Variants in C12orf50 observed in about 807,000 individuals in gnomAD.
C12orf50 encodes zinc finger CCCH-type containing 11D, also known as uncharacterized protein C12orf50.
In C12orf50, 35 loss-of-function variants were observed where a neutral mutation model predicts 61.6. The observed-to-expected ratio is 0.57, with a 90% CI of 0.43 to 0.75. C12orf50 has a LOEUF of 0.75. C12orf50 is among the 30% of genes least tolerant of loss of function. The pLI is 0.00. For missense variants in C12orf50, 475 were observed against 488.5 expected (o/e 0.97, Z 0.26); for synonymous variants, 178 against 161.5 (o/e 1.10, Z -0.77).
chr12:88,019,155 G>T (rs764143868), intron 3 of C12orf50, among the ~76,000 whole-genome samples: 2 of 152,090 alleles, frequency 1.3e-5, no homozygotes, highest in Non-Finnish European at 2.9e-5. Flanking sequence ...ATTCCCATAT[G>T]TTGTGGGAGG....
intron 3 of C12orf50, among the ~76,000 whole-genome samples, chr12:88,011,615 T>G (rs1299881103): frequency 6.6e-6 from 1 of 152,234 alleles, no homozygotes; most frequent in Non-Finnish European, 1.5e-5. Flanking sequence ...AAGTTGCCCA[T>G]GTTTACAGTG....
At chr12:88,011,806 G>A (rs1377521641) in intron 3 of C12orf50, among the ~76,000 whole-genome samples, 1 of 152,162 alleles carries the variant, frequency 6.6e-6, no homozygotes, top group African/African-American at 2.4e-5. Context: ...AGCTGGGTCT[G>A]AGGTCAGTTC....
chr12:88,023,265 C>T (rs962714443), intron 3 of C12orf50, among the ~76,000 whole-genome samples: 4 of 152,008 alleles, frequency 2.6e-5, no homozygotes, highest in African/African-American at 9.7e-5. Context: ...GGAGAGGACT[C>T]CCCTTTCAAT....
intron 1 of C12orf50, chr12:88,027,981 G>T (rs1057209121): frequency 4.6e-5 from 7 of 152,154 alleles, no homozygotes; most frequent in Non-Finnish European, 7.3e-5. Context: ...GAAACCCTGG[G>T]CGCCACCACT....
intron 3 of C12orf50, among the ~76,000 whole-genome samples, chr12:88,003,354 T>C (rs1367873630): frequency 1.3e-5 from 2 of 151,964 alleles, no homozygotes; most frequent in Non-Finnish European, 2.9e-5. Context: ...GGAAAAGAAA[T>C]ATGCCCTTAT....
At chr12:87,993,298 AC>A (rs2031216514) in intron 7 of C12orf50, among the ~76,000 whole-genome samples, 1 of 152,224 alleles carries the variant, frequency 6.6e-6, no homozygotes, top group South Asian at 2.1e-4. Flanking sequence ...CCTTTTATTA[AC>A]CAAAAAAGCT....
At position 87,985,862 on chromosome 12, in the gene C12orf50, T is replaced by A; in HGVS notation, c.1114A>T (p.Asn372Tyr). Residue 372 changes from asparagine (N) to tyrosine (Y), a missense_variant, in exon 11 of 13, where the codon AAC becomes TAC. Coordinates refer to ENST00000298699, the MANE Select transcript of C12orf50 (RefSeq NM_152589.3). ...CAAAGGACCTCACCTGGACTGAGGTTGGGTTTGGGTTCCCTGTTAGCATGG... is the reference window on the plus strand; with the variant it reads ...CAAAGGACCTCACCTGGACTGAGGTAGGGTTTGGGTTCCCTGTTAGCATGG... ...KVHANREPKPNLSPDKYTSTS... is the reference protein window; with the variant it reads ...KVHANREPKPYLSPDKYTSTS... The A allele has an allele frequency of 6.2e-7, 1 of 1,612,696 alleles. No homozygotes were observed. Among genetic ancestry groups the A allele is most frequent in the Non-Finnish European group, 8.5e-7 (1 of 1,179,788 alleles).
intron 12 of C12orf50, among the ~76,000 whole-genome samples, chr12:87,980,685 A>C (rs2030417473): frequency 6.6e-6 from 1 of 152,198 alleles, no homozygotes; most frequent in Admixed American, 6.5e-5. Context: ...CCTATTACAA[A>C]GGACTTGTGG....
At chr12:88,014,540 C>T (rs2032239956) in intron 3 of C12orf50, among the ~76,000 whole-genome samples, 1 of 152,130 alleles carries the variant, frequency 6.6e-6, no homozygotes, top group Non-Finnish European at 1.5e-5. Flanking sequence ...ACCTCATGAT[C>T]CGCCCGCCTC....
chr12:88,022,776 T>C (rs764299688), intron 3 of C12orf50, among the ~76,000 whole-genome samples: 14 of 151,954 alleles, frequency 9.2e-5, no homozygotes, highest in Admixed American at 2.6e-4. Context: ...AAGAATAATA[T>C]ATCTAGGAAT....
intron 3 of C12orf50, among the ~76,000 whole-genome samples, chr12:88,004,720 T>C (rs1218127370): frequency 6.6e-6 from 1 of 152,164 alleles, no homozygotes; most frequent in Non-Finnish European, 1.5e-5. Flanking sequence ...AATGAGATAA[T>C]GTCCTTTGCA....
In C12orf50 at chr12:87,988,150, A is replaced by G. The variant is rs73205215; in HGVS notation, c.701-184T>C. On this transcript the variant is annotated intron_variant, in intron 8 of 12. Coordinates refer to ENST00000298699, the MANE Select transcript of C12orf50 (RefSeq NM_152589.3). ...GTTGCCACGTGGATTTCAAAATGTCATGAGTAACAAAACAAAACTCGGAAA... is the reference window on the plus strand; with the variant it reads ...GTTGCCACGTGGATTTCAAAATGTCGTGAGTAACAAAACAAAACTCGGAAA... Among the ~76,000 whole-genome samples, 1,346 of 152,268 alleles carry G rather than the reference A, an allele frequency of 8.8e-3. 18 individuals are homozygous for G. Among genetic ancestry groups the G allele is most frequent in the South Asian group, 0.017 (80 of 4,824 alleles).
At chr12:88,028,164 T>A (rs1420203436) in intron 1 of C12orf50, among the ~76,000 whole-genome samples, 1 of 152,220 alleles carries the variant, frequency 6.6e-6, no homozygotes, top group Non-Finnish European at 1.5e-5. Context: ...ACTGGTAACT[T>A]ACTCATTAGC....
chr12:88,024,959 G>A (rs750960974), intron 3 of C12orf50, among the ~76,000 whole-genome samples: 2 of 152,110 alleles, frequency 1.3e-5, no homozygotes, highest in Non-Finnish European at 2.9e-5. Context: ...GAGTGAATAA[G>A]CCTGATTTGC....
chr12:87,994,501 G>A (rs1423267525), intron 7 of C12orf50, 132 bp downstream of exon 7: 1 of 667,186 alleles, frequency 1.5e-6, no homozygotes, highest in Non-Finnish European at 2.5e-6. Context: ...AACTGATTTT[G>A]TGATATACCT....
intron 3 of C12orf50, among the ~76,000 whole-genome samples, chr12:88,007,219 A>G (rs1306960821): frequency 6.6e-6 from 1 of 152,194 alleles, no homozygotes; most frequent in African/African-American, 2.4e-5. Context: ...AAATCTTCCA[A>G]TTGAGATAGT....
chr12:88,028,735 C>A lies in C12orf50; in HGVS notation c.-109+605G>T, dbSNP rs183957904. ...TATTAACTAAAACAATATCTTGTAA[C>A]CTATGATGTTTTAATATTAGGAATT... On this transcript the variant is annotated intron_variant, in intron 1 of 12. Coordinates refer to ENST00000298699, the MANE Select transcript of C12orf50 (RefSeq NM_152589.3). Among the ~76,000 whole-genome samples, 195 of 152,070 alleles carry A rather than the reference C, an allele frequency of 1.3e-3. 2 individuals are homozygous for A. The highest frequency in any genetic ancestry group is 8.1e-3 in the South Asian group (39 of 4,830).
chr12:87,992,344 A>G (rs2031163813), intron 7 of C12orf50, among the ~76,000 whole-genome samples: 1 of 152,126 alleles, frequency 6.6e-6, no homozygotes, highest in Non-Finnish European at 1.5e-5. Flanking sequence ...AGCTTTATAT[A>G]TAGCAACCAG....
At chr12:88,006,084 T>A (rs937566397) in intron 3 of C12orf50, among the ~76,000 whole-genome samples, 1 of 151,872 alleles carries the variant, frequency 6.6e-6, no homozygotes, top group African/African-American at 2.4e-5. Context: ...GCCCCGCTAA[T>A]TTTTTGTATT....
Sources: allele counts gnomAD v4.1 joint callset (sites outside exome capture counted in the v4.1 genomes callset), GRCh38; gene constraint gnomAD v4.1.1; transcripts MANE v1.5; gene names NCBI Gene and HGNC (gene_info 2026-07-23, HGNC 2026-07-21).